Variants in CHCHD3 observed in about 807,000 individuals in gnomAD.
CHCHD3 encodes the protein MICOS complex subunit MIC19.
In CHCHD3, 20 loss-of-function variants were observed where a neutral mutation model predicts 38.2. The observed-to-expected ratio is 0.52, with a 90% CI of 0.37 to 0.76. CHCHD3 has a LOEUF of 0.76. Among genes scored for constraint, CHCHD3 ranks in the 30% least tolerant of loss-of-function variants. The pLI is 0.00. For synonymous variants in CHCHD3, 82 were observed against 100.0 expected (o/e 0.82, Z 1.07); for missense variants, 245 against 279.2 (o/e 0.88, Z 0.87).
intron 6 of CHCHD3, among the ~76,000 whole-genome samples, chr7:132,828,806 A>G (rs1240582577): frequency 1.3e-5 from 2 of 152,216 alleles, no homozygotes; most frequent in Non-Finnish European, 2.9e-5. Flanking sequence ...ATTTGATGTT[A>G]TACTATGGCT....
chr7:132,946,245 CAG>C (rs1380572109), intron 4 of CHCHD3, among the ~76,000 whole-genome samples: 2 of 151,634 alleles, frequency 1.3e-5, no homozygotes, highest in Admixed American at 1.3e-4. Flanking sequence ...TATATACAGA[CAG>C]AGAGAAAGAG....
At chr7:133,030,681 C>A (rs1813476660) in intron 2 of CHCHD3, among the ~76,000 whole-genome samples, 1 of 152,182 alleles carries the variant, frequency 6.6e-6, no homozygotes, top group Non-Finnish European at 1.5e-5. Context: ...AGAATGTTTT[C>A]TTTCCATACT....
At chr7:132,986,686 C>A (rs1441275184) in intron 3 of CHCHD3, among the ~76,000 whole-genome samples, 1 of 152,156 alleles carries the variant, frequency 6.6e-6, no homozygotes, top group African/African-American at 2.4e-5. Context: ...TTAAGAAAAT[C>A]ATTGAGAAGA....
At chr7:133,055,331 TTA>T (rs1196061211) in intron 2 of CHCHD3, among the ~76,000 whole-genome samples, 2 of 145,978 alleles carry the variant, frequency 1.4e-5, no homozygotes, top group African/African-American at 5.0e-5. Flanking sequence ...TATATAATTG[TTA>T]TATATTTATA....
chr7:132,977,132 T>A (rs1054555644), intron 3 of CHCHD3, among the ~76,000 whole-genome samples: 2 of 152,234 alleles, frequency 1.3e-5, no homozygotes, highest in African/African-American at 4.8e-5. Context: ...CCACTGGATA[T>A]GTGTAATTGT....
intron 5 of CHCHD3, among the ~76,000 whole-genome samples, chr7:132,874,056 T>C (rs1042536715): frequency 3.9e-5 from 6 of 152,218 alleles, no homozygotes; most frequent in African/African-American, 1.4e-4. Flanking sequence ...GTGGACATTT[T>C]TGACCCGCTG....
At chr7:132,909,158 C>T (rs1809873202) in intron 4 of CHCHD3, among the ~76,000 whole-genome samples, 1 of 152,090 alleles carries the variant, frequency 6.6e-6, no homozygotes, top group Non-Finnish European at 1.5e-5. Flanking sequence ...TTCCTGAGGC[C>T]TCCCAACCCT....
intron 5 of CHCHD3, among the ~76,000 whole-genome samples, chr7:132,853,588 C>G (rs1420778004): frequency 6.6e-6 from 1 of 152,170 alleles, no homozygotes; most frequent in Non-Finnish European, 1.5e-5. Context: ...CGCCACTGCA[C>G]TCCAGCCTGG....
intron 4 of CHCHD3, among the ~76,000 whole-genome samples, chr7:132,927,552 G>A (rs1368368966): frequency 1.3e-5 from 2 of 152,196 alleles, no homozygotes; most frequent in Admixed American, 6.5e-5. Context: ...AGATGGAAGC[G>A]ATTGGTTAAA....
chr7:132,924,549 G>A (rs1401161246), intron 4 of CHCHD3, among the ~76,000 whole-genome samples: 1 of 152,036 alleles, frequency 6.6e-6, no homozygotes, highest in Non-Finnish European at 1.5e-5. Flanking sequence ...CACTGGTTCT[G>A]GTCATAGTAA....
At chr7:132,857,348 T>C (rs902354893) in intron 5 of CHCHD3, among the ~76,000 whole-genome samples, 3 of 152,176 alleles carry the variant, frequency 2.0e-5, no homozygotes, top group African/African-American at 7.2e-5. Context: ...ATTGTTCTCA[T>C]TGTGCCTGAA....
chr7:132,954,125 G>C (rs1414234313), intron 4 of CHCHD3, among the ~76,000 whole-genome samples: 1 of 152,146 alleles, frequency 6.6e-6, no homozygotes, highest in Non-Finnish European at 1.5e-5. Context: ...GGGACAGGCA[G>C]GAGGGTTAGG....
At chr7:133,004,942 T>G (rs531001886) in intron 3 of CHCHD3, among the ~76,000 whole-genome samples, 18 of 152,174 alleles carry the variant, frequency 1.2e-4, no homozygotes, top group Admixed American at 3.9e-4. Context: ...GTATTTATGG[T>G]AATAATAATC....
At chr7:133,054,985 T>A (rs1334085469) in intron 2 of CHCHD3, among the ~76,000 whole-genome samples, 1 of 152,068 alleles carries the variant, frequency 6.6e-6, no homozygotes, top group Non-Finnish European at 1.5e-5. Context: ...AGGAGCTTAA[T>A]GTATAGTAAA....
At chr7:132,901,755 T>A (rs1809675110) in intron 4 of CHCHD3, among the ~76,000 whole-genome samples, 1 of 152,136 alleles carries the variant, frequency 6.6e-6, no homozygotes, top group Admixed American at 6.5e-5. Context: ...TTTTCTCCCA[T>A]TCTGTAGGTT....
At chr7:132,873,534 C>T (rs1161332721) in intron 5 of CHCHD3, among the ~76,000 whole-genome samples, 1 of 151,708 alleles carries the variant, frequency 6.6e-6, no homozygotes, top group Non-Finnish European at 1.5e-5. Flanking sequence ...CTGCCTCAGC[C>T]TCTCGAATAG....
chr7:132,871,599 C>G (rs1429299605), intron 5 of CHCHD3, among the ~76,000 whole-genome samples: 1 of 152,206 alleles, frequency 6.6e-6, no homozygotes, highest in Admixed American at 6.6e-5. Flanking sequence ...CTACTCCGTT[C>G]TCACTTCTAT....
intron 5 of CHCHD3, among the ~76,000 whole-genome samples, chr7:132,840,713 T>A (rs1010403274): frequency 2.0e-5 from 3 of 152,158 alleles, no homozygotes; most frequent in African/African-American, 7.2e-5. Flanking sequence ...AGGAAAATAA[T>A]TAGGGTAATT....
At chr7:133,029,546 T>C (rs999696515) in intron 2 of CHCHD3, among the ~76,000 whole-genome samples, 16 of 152,210 alleles carry the variant, frequency 1.1e-4, no homozygotes, top group Non-Finnish European at 2.1e-4. Context: ...ATCTTCATAG[T>C]GCACTTTATG....
Sources: allele counts gnomAD v4.1 joint callset (sites outside exome capture counted in the v4.1 genomes callset), GRCh38; gene constraint gnomAD v4.1.1; transcripts MANE v1.5; gene names NCBI Gene and HGNC (gene_info 2026-07-23, HGNC 2026-07-21).